TASP1: variants seen among roughly 807,000 people sequenced by gnomAD.
TASP1 encodes taspase 1.
In TASP1, 16 loss-of-function variants were observed where a neutral mutation model predicts 56.6. The observed-to-expected ratio is 0.28, with a 90% confidence interval of 0.19 to 0.43. The LOEUF is 0.43. Ranked by LOEUF, TASP1 falls within the 20% of genes least tolerant of loss-of-function variation. The pLI, the probability that TASP1 is intolerant of heterozygous loss-of-function variation, is 1.00. For synonymous variants in TASP1, 179 were observed against 184.2 expected, an observed-to-expected ratio of 0.97 and a Z score of 0.23; for missense variants, 393 against 511.6, an observed-to-expected ratio of 0.77 and a Z score of 2.24.
chr20:13,558,626 C>A (rs890955918), intron 8 of TASP1, among the ~76,000 whole-genome samples: 5 of 151,720 alleles, frequency 3.3e-5, no homozygotes, highest in African/African-American at 1.2e-4. Flanking sequence ...AAATACAGAT[C>A]AAATATATCT....
At chr20:13,459,013 C>A (rs997436634) in intron 11 of TASP1, among the ~76,000 whole-genome samples, 18 of 152,136 alleles carry the variant, frequency 1.2e-4, no homozygotes, top group Non-Finnish European at 2.2e-4. Context: ...GATTTCATGT[C>A]ATGAGACAAG....
At chr20:13,593,938 C>T (rs1007284233) in intron 4 of TASP1, among the ~76,000 whole-genome samples, 5 of 152,244 alleles carry the variant, frequency 3.3e-5, no homozygotes, top group Non-Finnish European at 7.3e-5. Context: ...AACTGGAAGA[C>T]ACCTCCCAGT....
the TASP1 span, among the ~76,000 whole-genome samples, chr20:13,245,063 C>T: frequency 2.0e-5 from 3 of 152,140 alleles, no homozygotes; most frequent in Admixed American, 6.5e-5. Flanking sequence ...ATTTTAATAC[C>T]AAAAAGCACT....
chr20:13,288,807 C>T, the TASP1 span: 90 of 963,026 alleles, frequency 9.3e-5, 1 homozygote, highest in South Asian at 1.1e-3. Flanking sequence ...TTTTTTGAGA[C>T]GGAGTCTCTC....
intron 7 of TASP1, among the ~76,000 whole-genome samples, chr20:13,565,678 A>T (rs2046502855): frequency 2.0e-5 from 3 of 152,190 alleles, no homozygotes; most frequent in South Asian, 2.1e-4. Flanking sequence ...ACTATTTTTT[A>T]AAAAGTAAAG....
At chr20:13,596,139 G>A (rs189918059) in intron 4 of TASP1, among the ~76,000 whole-genome samples, 123 of 152,180 alleles carry the variant, frequency 8.1e-4, no homozygotes, top group Non-Finnish European at 8.2e-4. Flanking sequence ...TTGGGAGGCC[G>A]AGGAGGGCAG....
intron 2 of TASP1, among the ~76,000 whole-genome samples, 181 bp from the exon 3 acceptor site, chr20:13,625,433 C>T (rs897885206): frequency 1.3e-5 from 2 of 152,174 alleles, no homozygotes; most frequent in Non-Finnish European, 1.5e-5. Context: ...GCCTTATCTC[C>T]GTTTTCAAAA....
At chr20:13,279,598 C>T in the TASP1 span, 2 of 1,588,392 alleles carry the variant, frequency 1.3e-6, no homozygotes, top group Non-Finnish European at 1.7e-6. Flanking sequence ...AGGCTGTTGA[C>T]TCCACACTGA....
the TASP1 span, among the ~76,000 whole-genome samples, chr20:13,150,862 G>GT: frequency 2.6e-5 from 4 of 152,068 alleles, no homozygotes; most frequent in African/African-American, 9.7e-5. Context: ...TTTTTGTGTG[G>GT]TTAGTACTTG....
At chr20:13,357,961 AG>A in the TASP1 span, among the ~76,000 whole-genome samples, 2,683 of 152,322 alleles carry the variant, frequency 0.018, 75 homozygotes, top group African/African-American at 0.059. Context: ...AAGTAACTGA[AG>A]AATCACAAAA....
At chr20:13,434,702 CT>C (rs1462616416) in intron 12 of TASP1, among the ~76,000 whole-genome samples, 2 of 152,056 alleles carry the variant, frequency 1.3e-5, no homozygotes, top group Non-Finnish European at 2.9e-5. Context: ...AGGAAGAAGC[CT>C]CTCTATTACT....
At chr20:13,630,879 AT>A (rs2049062878) in intron 1 of TASP1, among the ~76,000 whole-genome samples, 1 of 152,082 alleles carries the variant, frequency 6.6e-6, no homozygotes, top group Non-Finnish European at 1.5e-5. Flanking sequence ...TTATAAGCAC[AT>A]TTTCAATAAT....
chr20:13,194,078 A>C, the TASP1 span, among the ~76,000 whole-genome samples: 1 of 152,338 alleles, frequency 6.6e-6, no homozygotes, highest in African/African-American at 2.4e-5. Context: ...TGAAAACAGA[A>C]AAATGTAATT....
chr20:13,619,080 G>A (rs1003757404), intron 4 of TASP1, among the ~76,000 whole-genome samples: 2 of 151,914 alleles, frequency 1.3e-5, no homozygotes, highest in African/African-American at 4.8e-5. Flanking sequence ...TCACCATATT[G>A]GCCAGGCTGG....
intron 12 of TASP1, among the ~76,000 whole-genome samples, chr20:13,424,938 C>T (rs1007939202): frequency 2.0e-4 from 30 of 152,130 alleles, no homozygotes; most frequent in African/African-American, 7.0e-4. Flanking sequence ...CATACAAATG[C>T]AATGTGAGAA....
intron 8 of TASP1, among the ~76,000 whole-genome samples, chr20:13,536,646 A>G (rs1375158117): frequency 6.6e-6 from 1 of 152,168 alleles, no homozygotes; most frequent in Non-Finnish European, 1.5e-5. Context: ...ATTCTTTGCT[A>G]TAAAATTCTG....
the TASP1 span, among the ~76,000 whole-genome samples, chr20:13,218,080 T>C: frequency 6.6e-6 from 1 of 151,902 alleles, no homozygotes; most frequent in African/African-American, 2.4e-5. Context: ...TGAAAATCTC[T>C]CTCTACTAAA....
chr20:13,555,520 AG>A (rs1378727462), intron 8 of TASP1, among the ~76,000 whole-genome samples: 2 of 152,162 alleles, frequency 1.3e-5, no homozygotes, highest in East Asian at 3.9e-4. Context: ...TCACCTGTAA[AG>A]TTCTATCATG....
the TASP1 span, among the ~76,000 whole-genome samples, chr20:13,321,251 C>CAAAAAAAAAAAAAAAAAA: frequency 8.4e-5 from 2 of 23,708 alleles, no homozygotes; most frequent in Non-Finnish European, 1.4e-4. Flanking sequence ...ATGTGCCCCA[C>CAAAAAAAAAAAAAAAAAA]ATAAAAAAAA....
Sources: gnomAD v4.1 joint callset for allele counts (sites outside exome capture counted in the v4.1 genomes callset) on GRCh38, gnomAD v4.1.1 for gene constraint, MANE v1.5 for transcripts, NCBI Gene and HGNC (gene_info 2026-07-23, HGNC 2026-07-21) for gene names.